STRN: variants seen among roughly 807,000 people sequenced by gnomAD.
STRN encodes the protein striatin.
Under a neutral mutation model 96.3 loss-of-function variants are expected in STRN, and 53 were observed. That is an observed-to-expected ratio of 0.55 (90% confidence interval 0.44 to 0.69). The LOEUF is 0.69. Among genes scored for constraint, STRN ranks in the 30% least tolerant of loss-of-function variants. The pLI, the probability that STRN is intolerant of heterozygous loss-of-function variation, is 0.00. For synonymous variants in STRN, 428 were observed against 355.9 expected (o/e 1.20, Z -2.28); for missense variants, 987 against 963.9 (o/e 1.02, Z -0.32).
intron 1 of STRN, among the ~76,000 whole-genome samples, chr2:36,937,065 C>T (rs575702711): frequency 7.9e-5 from 12 of 152,140 alleles, no homozygotes; most frequent in African/African-American, 2.6e-4. Context: ...AAAAGAGGGC[C>T]GGAAACGGTG....
At chr2:36,945,682 G>C (rs1325441268) in intron 1 of STRN, among the ~76,000 whole-genome samples, 1 of 151,658 alleles carries the variant, frequency 6.6e-6, no homozygotes, top group Non-Finnish European at 1.5e-5. Context: ...AAAGAATGCA[G>C]AAGTAAAAAT....
At chr2:36,892,917 G>A (rs776259054) in intron 7 of STRN, among the ~76,000 whole-genome samples, 1 of 152,110 alleles carries the variant, frequency 6.6e-6, no homozygotes, top group South Asian at 2.1e-4. Context: ...CTACTCAGGA[G>A]GCTGAGGCAT....
At chr2:36,851,210 C>T (rs186785546) in intron 15 of STRN, 103 bp from the exon 16 acceptor site, 32 of 1,005,250 alleles carry the variant, frequency 3.2e-5, no homozygotes, top group African/African-American at 2.3e-4. Context: ...GTAGGCCGGC[C>T]GCGGTGGCTC....
At chr2:36,863,967 T>G (rs1425173918) in intron 12 of STRN, among the ~76,000 whole-genome samples, 1 of 152,216 alleles carries the variant, frequency 6.6e-6, no homozygotes, top group Non-Finnish European at 1.5e-5. Context: ...TGGGCATTAT[T>G]GGTGTGTATA....
chr2:36,888,113 T>C (rs1669287387), intron 7 of STRN, among the ~76,000 whole-genome samples: 1 of 152,138 alleles, frequency 6.6e-6, no homozygotes, highest in African/African-American at 2.4e-5. Context: ...TCTTTCCCAC[T>C]CCACATAAAA....
At chr2:36,934,833 T>C (rs1395385205) in intron 1 of STRN, among the ~76,000 whole-genome samples, 2 of 152,162 alleles carry the variant, frequency 1.3e-5, no homozygotes, top group Non-Finnish European at 2.9e-5. Flanking sequence ...TCCCAGCACT[T>C]TGAGAAGCCT....
intron 1 of STRN, among the ~76,000 whole-genome samples, chr2:36,962,323 T>G (rs964012505): frequency 2.6e-5 from 4 of 152,094 alleles, no homozygotes; most frequent in Non-Finnish European, 4.4e-5. Flanking sequence ...CTCTAACACT[T>G]ACAGGTAAAT....
At chr2:36,870,760 T>C (rs899960152) in intron 10 of STRN, among the ~76,000 whole-genome samples, 3 of 152,188 alleles carry the variant, frequency 2.0e-5, no homozygotes, top group African/African-American at 7.2e-5. Context: ...ATATTCCTTC[T>C]ACTTATTTTT....
intron 1 of STRN, among the ~76,000 whole-genome samples, chr2:36,945,217 G>C (rs1670949165): frequency 6.6e-6 from 1 of 152,058 alleles, no homozygotes. Context: ...TTTAAAAGAA[G>C]GGAAATAAAT....
intron 1 of STRN, among the ~76,000 whole-genome samples, chr2:36,965,313 GAAC>G (rs1665131823): frequency 6.6e-6 from 1 of 152,184 alleles, no homozygotes; most frequent in Admixed American, 6.5e-5. Flanking sequence ...GAAGTTTTAA[GAAC>G]AACCACTGAA....
chr2:36,888,672 CATTT>C (rs1018067172), intron 7 of STRN, among the ~76,000 whole-genome samples: 1 of 73,588 alleles, frequency 1.4e-5, no homozygotes, highest in African/African-American at 4.7e-5. Flanking sequence ...TGTGTGTGTG[CATTT>C]ATTTACTTAT....
Position 36,886,754 on chromosome 2 carries a change from T to C in STRN, c.1004A>G (p.Gln335Arg). Residue 335 changes from glutamine to arginine, a missense_variant, in exon 8 of 18, where the codon CAA becomes CGA. Coordinates refer to ENST00000263918, the MANE Select transcript of STRN (RefSeq NM_003162.4). ...TTTCCCCTTTCTCTCCTTTTTGTAT[T>C]GTTCCTTGAGTTTGGTAATTACTCC... ...DQGVITKLKE[Q>R]YKKERKGKKG... 6.2e-7 allele frequency: 1 copy of C among 1,613,564 alleles called. No individual in the cohort carries two copies. The highest frequency in any genetic ancestry group is 8.5e-7 in the Non-Finnish European group (1 of 1,179,692).
chr2:36,907,749 C>T (rs1669861914), intron 3 of STRN, among the ~76,000 whole-genome samples: 1 of 152,068 alleles, frequency 6.6e-6, no homozygotes, highest in African/African-American at 2.4e-5. Context: ...CACTCCAGAG[C>T]CCCAGCATTT....
intron 9 of STRN, among the ~76,000 whole-genome samples, 173 bp downstream of exon 9, chr2:36,883,759 G>A (rs530846200): frequency 1.3e-5 from 2 of 152,280 alleles, no homozygotes; most frequent in East Asian, 3.9e-4. Flanking sequence ...CTTGAAGATT[G>A]AAGTTGGAAT....
intron 1 of STRN, among the ~76,000 whole-genome samples, chr2:36,936,162 T>C (rs1670695476): frequency 6.6e-6 from 1 of 152,206 alleles, no homozygotes; most frequent in South Asian, 2.1e-4. Context: ...GACAAAAATC[T>C]TCCTGCTTGC....
intron 9 of STRN, among the ~76,000 whole-genome samples, chr2:36,880,250 G>C (rs546476257): frequency 6.6e-6 from 1 of 152,208 alleles, no homozygotes. Context: ...TTACAGGCGT[G>C]AGCCATCATG....
In STRN at chr2:36,845,921, A is replaced by ACACACACACACACACACGCATG. The variant is rs1668060798; in HGVS notation, c.*3534_*3535insCATGCGTGTGTGTGTGTGTGTG. The ACACACACACACACACACGCATG allele has an allele frequency of 1.9e-4, 5 of 26,250 alleles. 1 individual carries two copies. The highest frequency in any genetic ancestry group is 6.2e-4 in the African/African-American group (5 of 8,072). 1.6% of individuals were successfully genotyped at this position (26,250 alleles called of 1,614,324 possible). On this transcript the variant is annotated 3_prime_UTR_variant, in exon 18 of 18. Coordinates refer to ENST00000263918, the MANE Select transcript of STRN (RefSeq NM_003162.4). ...CACACACACACGCATGCATGCACAC[A>ACACACACACACACACACGCATG]CACACACACACACACACACACACAC...
At chr2:36,898,698 C>A (rs1669606062) in intron 6 of STRN, among the ~76,000 whole-genome samples, 1 of 152,200 alleles carries the variant, frequency 6.6e-6, no homozygotes, top group Non-Finnish European at 1.5e-5. Context: ...AGTGGCAGAA[C>A]TGGAGCTTAA....
chr2:36,887,779 A>G (rs1669279792), intron 7 of STRN, among the ~76,000 whole-genome samples: 1 of 152,262 alleles, frequency 6.6e-6, no homozygotes, highest in Non-Finnish European at 1.5e-5. Context: ...AGTTTCTAGT[A>G]GTAAAGAAAA....
Sources: allele counts gnomAD v4.1 joint callset (sites outside exome capture counted in the v4.1 genomes callset), GRCh38; gene constraint gnomAD v4.1.1; transcripts MANE v1.5; gene names NCBI Gene and HGNC (gene_info 2026-07-23, HGNC 2026-07-21).